ARHGAP15: variants seen among roughly 807,000 people sequenced by gnomAD.
ARHGAP15 encodes Rho GTPase activating protein 15.
In ARHGAP15, 51 loss-of-function variants were observed where a neutral mutation model predicts 63.7. That is an observed-to-expected ratio of 0.80 (90% confidence interval 0.64 to 1.01). ARHGAP15 has a LOEUF of 1.01. ARHGAP15 is among the 50% of genes least tolerant of loss of function. ARHGAP15 has a pLI of 0.00. For synonymous variants in ARHGAP15, 191 were observed against 193.8 expected (o/e 0.99, Z 0.12); for missense variants, 560 against 564.6 (o/e 0.99, Z 0.08).
chr2:143,253,038 A>G (rs1432236757), intron 6 of ARHGAP15, among the ~76,000 whole-genome samples: 4 of 152,114 alleles, frequency 2.6e-5, no homozygotes, highest in Admixed American at 2.6e-4. Flanking sequence ...GCTTCAGCTG[A>G]TGTGCTACAT....
intron 6 of ARHGAP15, among the ~76,000 whole-genome samples, chr2:143,356,997 G>A (rs1345373143): frequency 2.6e-5 from 4 of 152,140 alleles, no homozygotes; most frequent in African/African-American, 9.7e-5. Context: ...TCTTTAAAAT[G>A]TCTGTAATCC....
intron 12 of ARHGAP15, among the ~76,000 whole-genome samples, chr2:143,628,786 G>A (rs1350098933): frequency 6.6e-6 from 1 of 152,072 alleles, no homozygotes; most frequent in African/African-American, 2.4e-5. Context: ...TCCCTTTGTT[G>A]GTGTAAATAC....
chr2:143,738,291 A>G (rs1428230436), intron 13 of ARHGAP15, among the ~76,000 whole-genome samples: 2 of 152,182 alleles, frequency 1.3e-5, no homozygotes, highest in African/African-American at 4.8e-5. Context: ...ATAAGCTATC[A>G]TATAGAACTG....
intron 11 of ARHGAP15, among the ~76,000 whole-genome samples, chr2:143,613,961 T>C (rs938814): frequency 0.22 from 33,473 of 152,108 alleles, 4,024 homozygotes; most frequent in Admixed American, 0.32. Context: ...ATGCTGTACC[T>C]TCTGCCTTCT....
At chr2:143,695,863 CAAA>C (rs57881769) in intron 12 of ARHGAP15, among the ~76,000 whole-genome samples, 1 of 135,090 alleles carries the variant, frequency 7.4e-6, no homozygotes, top group Non-Finnish European at 1.6e-5. Context: ...CCTTGTCTAC[CAAA>C]AAAAAAAAAA....
chr2:143,729,137 G>A (rs1479598639), intron 13 of ARHGAP15, among the ~76,000 whole-genome samples: 1 of 152,198 alleles, frequency 6.6e-6, no homozygotes, highest in Admixed American at 6.5e-5. Flanking sequence ...ACATACCTGA[G>A]AAAAGAGCCA....
At chr2:143,352,744 A>G (rs1685623792) in intron 6 of ARHGAP15, among the ~76,000 whole-genome samples, 2 of 152,186 alleles carry the variant, frequency 1.3e-5, no homozygotes, top group African/African-American at 4.8e-5. Context: ...CCCAGCTCAC[A>G]TTGACCAACA....
At chr2:143,513,751 C>G (rs1485648338) in intron 9 of ARHGAP15, among the ~76,000 whole-genome samples, 1 of 152,194 alleles carries the variant, frequency 6.6e-6, no homozygotes, top group Non-Finnish European at 1.5e-5. Flanking sequence ...TCCAGTCAAG[C>G]AAGGAACTTG....
At chr2:143,717,419 G>A (rs1574882976) in intron 13 of ARHGAP15, among the ~76,000 whole-genome samples, 1 of 152,216 alleles carries the variant, frequency 6.6e-6, no homozygotes, top group Middle Eastern at 3.4e-3. Flanking sequence ...TCTCCCCACT[G>A]CCCATAGGAA....
intron 13 of ARHGAP15, among the ~76,000 whole-genome samples, chr2:143,730,929 CTTTTTT>C (rs1191514139): frequency 4.6e-5 from 4 of 87,326 alleles, no homozygotes; most frequent in Admixed American, 1.6e-4. Flanking sequence ...GGGAAAAAGG[CTTTTTT>C]TTTTTTTTTT....
intron 2 of ARHGAP15, among the ~76,000 whole-genome samples, chr2:143,177,648 G>A (rs957538503): frequency 2.0e-5 from 3 of 152,114 alleles, no homozygotes; most frequent in Non-Finnish European, 4.4e-5. Context: ...CTTTCAGGGG[G>A]TCCAAGAGGT....
chr2:143,450,254 C>G (rs1198207498), intron 8 of ARHGAP15, among the ~76,000 whole-genome samples: 1 of 149,892 alleles, frequency 6.7e-6, no homozygotes, highest in African/African-American at 2.5e-5. Flanking sequence ...TTTTATTGAA[C>G]GAAATCCAGA....
intron 5 of ARHGAP15, among the ~76,000 whole-genome samples, chr2:143,249,015 T>C (rs915739942): frequency 1.3e-5 from 2 of 152,214 alleles, no homozygotes; most frequent in Non-Finnish European, 2.9e-5. Context: ...ATGTTGTTGT[T>C]AATTTTTCTA....
chr2:143,396,840 T>A (rs1351444488), intron 6 of ARHGAP15, among the ~76,000 whole-genome samples: 4 of 151,988 alleles, frequency 2.6e-5, no homozygotes, highest in Non-Finnish European at 5.9e-5. Flanking sequence ...CATTTAACAA[T>A]TGTGATTGTA....
intron 11 of ARHGAP15, among the ~76,000 whole-genome samples, chr2:143,567,914 A>G (rs1353244152): frequency 6.6e-6 from 1 of 152,188 alleles, no homozygotes; most frequent in Non-Finnish European, 1.5e-5. Context: ...AAGGAGGGAA[A>G]TTAGCTAAGG....
At chr2:143,503,072 G>C (rs1227502678) in intron 9 of ARHGAP15, among the ~76,000 whole-genome samples, 2 of 152,224 alleles carry the variant, frequency 1.3e-5, no homozygotes, top group East Asian at 3.8e-4. Context: ...ACTCTGCTGG[G>C]GAAAGCGTTA....
At chr2:143,288,420 C>A (rs943048048) in intron 6 of ARHGAP15, among the ~76,000 whole-genome samples, 1 of 151,924 alleles carries the variant, frequency 6.6e-6, no homozygotes, top group African/African-American at 2.4e-5. Context: ...ACATGTAATT[C>A]TTGAGATTTA....
intron 8 of ARHGAP15, among the ~76,000 whole-genome samples, chr2:143,439,422 CAAAAAAAAAAAAA>C (rs529113949): frequency 3.2e-5 from 1 of 31,734 alleles, no homozygotes. Context: ...GACTCTGTCT[CAAAAAAAAAAAAA>C]AAAAAAAAAA....
chr2:143,470,866 G>A (rs950569869), intron 8 of ARHGAP15, among the ~76,000 whole-genome samples: 5 of 148,752 alleles, frequency 3.4e-5, no homozygotes, highest in Non-Finnish European at 7.4e-5. Flanking sequence ...ATATTTATGT[G>A]TGTGTGTATA....
Sources: gnomAD v4.1 joint callset for allele counts (sites outside exome capture counted in the v4.1 genomes callset) on GRCh38, gnomAD v4.1.1 for gene constraint, MANE v1.5 for transcripts, NCBI Gene and HGNC (gene_info 2026-07-23, HGNC 2026-07-21) for gene names.